The following CHAC1 variants were observed in gnomAD, a reference collection of about 807,000 sequenced individuals.
CHAC1 encodes the protein ChaC glutathione specific gamma-glutamylcyclotransferase 1.
Under a neutral mutation model 22.1 loss-of-function variants are expected in CHAC1, and 22 were observed. The observed-to-expected ratio is 1.00, with a 90% CI of 0.71 to 1.42. The LOEUF (loss-of-function observed/expected upper bound fraction) is 1.42, where lower values mean the gene tolerates loss of function less well. Ranked by LOEUF, CHAC1 falls within the 40% of genes most tolerant of loss-of-function variation. The pLI, the probability that CHAC1 is intolerant of heterozygous loss-of-function variation, is 0.00. For missense variants in CHAC1, 272 were observed against 299.2 expected, an observed-to-expected ratio of 0.91 and a Z score of 0.67; for synonymous variants, 145 against 128.7, an observed-to-expected ratio of 1.13 and a Z score of -0.86.
Position 40,953,829 on chromosome 15 carries a change from G to T in CHAC1, c.231+15G>T. On this transcript the variant is annotated intron_variant, in intron 1 of 2. Transcript: ENST00000617768. ...GCGACAAGATGGTGAGCATCCAACC[G>T]TGCCCAGGGGAGTGAGGGGGTTGGG... 1 of 1,566,646 alleles carries T rather than the reference G, an allele frequency of 6.4e-7. No individual in the cohort carries two copies. Among genetic ancestry groups the T allele is most frequent in the Non-Finnish European group, 8.6e-7 (1 of 1,159,858 alleles).
At position 40,956,023 on chromosome 15, in the gene CHAC1, C is replaced by T; in HGVS notation, c.*249C>T. 1 of 501,674 alleles carries T rather than the reference C, an allele frequency of 2.0e-6. No homozygotes were observed. The highest frequency in any genetic ancestry group is 3.5e-6 in the Non-Finnish European group (1 of 282,012). 31.1% of individuals were successfully genotyped at this position (501,674 alleles called of 1,614,324 possible). On this transcript the variant is annotated 3_prime_UTR_variant, in exon 3 of 3. Transcript: ENST00000617768. ...GCAGGTGGAGGGCCTGCCCTGGACACAGGGGCCCTGCTGAGCAGTGGCCCC... is the reference window on the plus strand; with the variant it reads ...GCAGGTGGAGGGCCTGCCCTGGACATAGGGGCCCTGCTGAGCAGTGGCCCC...
At chr15:40,954,131 T>C in intron 1 of CHAC1, 97 bp from the exon 2 acceptor site, 5 of 1,340,202 alleles carry the variant, frequency 3.7e-6, no homozygotes, top group Non-Finnish European at 5.3e-6. Flanking sequence ...AGTGGGGCAC[T>C]TGGAGGCCCG....
Position 40,955,471 on chromosome 15 carries a change from T to C in CHAC1, c.366T>C (p.Asp122=). The change falls in exon 3 of 3, where the codon GAT becomes GAC. Residue 122 remains aspartate (D), a synonymous_variant. Coordinates refer to ENST00000617768, the MANE Select transcript of CHAC1 (RefSeq NM_024111.6). ...GAGAGGCAGTGCTTGGTGGCTACGA[T>C]ACCAAGGAGGTCACCTTCTATCCCC... The part of the protein sequence containing the change: ...NVREAVLGGY[D]TKEVTFYPQD... 1 of 1,614,142 alleles carries C rather than the reference T, an allele frequency of 6.2e-7. No homozygotes were observed. Among genetic ancestry groups the C allele is most frequent in the Non-Finnish European group, 8.5e-7 (1 of 1,179,992 alleles).
At position 40,955,624 on chromosome 15, in the gene CHAC1, C is replaced by T. The variant is rs753004556; in HGVS notation, c.519C>T (p.Gly173=). The change falls in exon 3 of 3, where the codon GGC becomes GGT. Residue 173 remains glycine, a synonymous_variant. Coordinates refer to ENST00000617768, the MANE Select transcript of CHAC1 (RefSeq NM_024111.6). ...TCCTGGCCTGCCGGGGCTTCTCCGG[C>T]CACAACCTTGAATACTTGCTGCGTC... ...TQILACRGFS[G]HNLEYLLRLA... is the part of the protein sequence containing the mutation. 6.2e-7 allele frequency: 1 copy of T among 1,613,812 alleles called. No individual in the cohort carries two copies.
chr15:40,954,678 A>G (rs528079128), intron 2 of CHAC1, among the ~76,000 whole-genome samples: 1 of 152,220 alleles, frequency 6.6e-6, no homozygotes, highest in South Asian at 2.1e-4. Flanking sequence ...ATCTTGGCTC[A>G]CTGCAACATC....
At position 40,953,476 on chromosome 15, in the gene CHAC1, G is replaced by C; in HGVS notation, c.-108G>C. 6.7e-7 allele frequency: 1 copy of C among 1,499,800 alleles called. No individual in the cohort carries two copies. Among genetic ancestry groups the C allele is most frequent in the Middle Eastern group, 1.9e-4 (1 of 5,146 alleles). 92.9% of individuals were successfully genotyped at this position (1,499,800 alleles called of 1,614,324 possible). Reference sequence around the variant, plus strand: ...CGCCTCCATGGGGGGCGCTCAGCTGGAGCTACCGAGCGGTGCCAGGCCAGG... The same window carrying C: ...CGCCTCCATGGGGGGCGCTCAGCTGCAGCTACCGAGCGGTGCCAGGCCAGG... On this transcript the variant is annotated 5_prime_UTR_variant, in exon 1 of 3. Coordinates refer to ENST00000617768, the MANE Select transcript of CHAC1 (RefSeq NM_024111.6).
intron 2 of CHAC1, among the ~76,000 whole-genome samples, chr15:40,954,991 T>G (rs1893203833): frequency 6.6e-6 from 1 of 151,710 alleles, no homozygotes; most frequent in Non-Finnish European, 1.5e-5. Flanking sequence ...CCTCCTGGGT[T>G]CAAACGATTC....
intron 2 of CHAC1, among the ~76,000 whole-genome samples, chr15:40,955,060 T>G (rs1402377635): frequency 6.6e-6 from 1 of 152,018 alleles, no homozygotes; most frequent in Non-Finnish European, 1.5e-5. Flanking sequence ...GCCTGGCTAA[T>G]TTTTGTATTT....
chr15:40,953,628 G>A lies in CHAC1; in HGVS notation c.45G>A (p.Gln15=). The A allele has an allele frequency of 6.2e-7, 1 of 1,609,932 alleles. No individual in the cohort carries two copies. The highest frequency in any genetic ancestry group is 8.5e-7 in the Non-Finnish European group (1 of 1,179,974). The change falls in exon 1 of 3, where the codon CAG becomes CAA. Residue 15 remains glutamine, a synonymous_variant. Transcript: ENST00000617768. ...SAAPNTPPTS[Q]SPTPSAQFPR... ...CCCCGAACACCCCGCCCACCTCGCA[G>A]TCCCCTACGCCGTCCGCTCAGTTCC...
In CHAC1 at chr15:40,953,819, G is replaced by A. The variant is rs1893165276; in HGVS notation, c.231+5G>A. On this transcript the variant is annotated splice_donor_5th_base_variant and intron_variant, in intron 1 of 2. Transcript: ENST00000617768. ...CATCGGGGCAGCGACAAGATGGTGA[G>A]CATCCAACCGTGCCCAGGGGAGTGA... The A allele has an allele frequency of 1.3e-6, 2 of 1,581,744 alleles. No homozygotes were observed. Among genetic ancestry groups the A allele is most frequent in the Non-Finnish European group, 8.6e-7 (1 of 1,169,208 alleles).
At position 40,955,785 on chromosome 15, in the gene CHAC1, C is replaced by T; in HGVS notation, c.*11C>T. 6.3e-7 allele frequency: 1 copy of T among 1,577,964 alleles called. No individual in the cohort carries two copies. Among genetic ancestry groups the T allele is most frequent in the Non-Finnish European group, 8.6e-7 (1 of 1,167,556 alleles). ...CTGGCGCTGGTGTGAGGGGCTGAGC[C>T]CCTGCGGGGAGTGCTCATGTGGACA... On this transcript the variant is annotated 3_prime_UTR_variant, in exon 3 of 3. Transcript: ENST00000617768.
At chr15:40,953,883 A>AC in intron 1 of CHAC1, 69 bp downstream of exon 1, 3 of 1,230,970 alleles carry the variant, frequency 2.4e-6, no homozygotes, top group Non-Finnish European at 3.4e-6. Context: ...AGTGCCCTGG[A>AC]ATGTCCGGGG....
At chr15:40,954,819 G>T (rs561515735) in intron 2 of CHAC1, among the ~76,000 whole-genome samples, 1 of 151,764 alleles carries the variant, frequency 6.6e-6, no homozygotes, top group Admixed American at 6.6e-5. Flanking sequence ...GGCCAGGCTG[G>T]TCTGGAACTC....
rs776313433 is a variant in CHAC1 at position 40,955,586 on chromosome 15, A to G, written c.481A>G (p.Ile161Val). The G allele has an allele frequency of 2.5e-6, 4 of 1,613,954 alleles. No homozygotes were observed. Among genetic ancestry groups the G allele is most frequent in the African/African-American group, 2.7e-5 (2 of 74,948 alleles). ...CCTGGGCCCTGCGCCTGAAGAGGCCATTGCCACGCAGATCCTGGCCTGCCG... is the reference window on the plus strand; with the variant it reads ...CCTGGGCCCTGCGCCTGAAGAGGCCGTTGCCACGCAGATCCTGGCCTGCCG... ...GYLGPAPEEA[I>V]ATQILACRGF... is the part of the protein sequence containing the mutation. The change falls in exon 3 of 3, where the codon ATT (isoleucine) becomes GTT (valine). Residue 161 changes from isoleucine (I) to valine (V), a missense_variant. Ile to Val is a conservative substitution (Grantham distance 29). Transcript: ENST00000617768.
At chr15:40,953,938 T>A in intron 1 of CHAC1, 124 bp downstream of exon 1, 2 of 787,314 alleles carry the variant, frequency 2.5e-6, no homozygotes, top group Non-Finnish European at 4.0e-6. Flanking sequence ...GTGTCTGGGG[T>A]TTGTGGCTCA....
Position 40,955,691 on chromosome 15 carries a change from G to T in CHAC1, c.586G>T (p.Glu196Ter). Residue 196 changes from glutamate (E) to a stop codon, truncating the protein, a stop_gained, in exon 3 of 3, where the codon GAG (glutamate) becomes TAG (stop). Transcript: ENST00000617768. LOFTEE classifies it high-confidence loss of function. ...MQLCGPQAQD[E>*]HLAAIVDAVG... ...GCTCTGTGGGCCTCAGGCGCAGGAC[G>T]AGCACCTGGCAGCCATCGTGGACGC... 1 of 1,609,532 alleles carries T rather than the reference G, an allele frequency of 6.2e-7. No homozygotes were observed. Among genetic ancestry groups the T allele is most frequent in the South Asian group, 1.1e-5 (1 of 91,090 alleles).
chr15:40,954,868 A>C (rs912128392), intron 2 of CHAC1, among the ~76,000 whole-genome samples: 1 of 150,056 alleles, frequency 6.7e-6, no homozygotes, highest in African/African-American at 2.5e-5. Context: ...GCCTCCCAAA[A>C]TGCTGGGATT....
In CHAC1 at chr15:40,953,534, C is replaced by G; in HGVS notation, c.-50C>G. The stretch of plus-strand genomic sequence containing the variant: ...GTCCGTCGGTCTTTCCGTGCCCACG[C>G]CGGAGACCAGCCCCGGAGGCCGCCT... On this transcript the variant is annotated 5_prime_UTR_variant, in exon 1 of 3. Transcript: ENST00000617768. 2 of 1,606,130 alleles carry G rather than the reference C, an allele frequency of 1.2e-6. No individual in the cohort carries two copies. Among genetic ancestry groups the G allele is most frequent in the South Asian group, 2.2e-5 (2 of 90,862 alleles).
At position 40,955,534 on chromosome 15, in the gene CHAC1, T is replaced by C. The variant is rs1893222083; in HGVS notation, c.429T>C (p.Tyr143=). The C allele has an allele frequency of 1.2e-6, 2 of 1,614,180 alleles. No individual in the cohort carries two copies. The highest frequency in any genetic ancestry group is 1.7e-6 in the Non-Finnish European group (2 of 1,180,032). ...ACCAACCACTGAAGGCATTGGCCTA[T>C]GTGGCCACCCCACAGAACCCTGGTT... is the stretch of plus-strand genomic sequence containing the variant. ...APDQPLKALA[Y]VATPQNPGYL... Residue 143 remains tyrosine (Y), a synonymous_variant, in exon 3 of 3, where the codon TAT becomes TAC. Transcript: ENST00000617768.
Sources: gnomAD v4.1 joint callset for allele counts (sites outside exome capture counted in the v4.1 genomes callset) on GRCh38, gnomAD v4.1.1 for gene constraint, MANE v1.5 for transcripts, NCBI Gene and HGNC (gene_info 2026-07-23, HGNC 2026-07-21) for gene names.